Variants in PDE10A observed in about 807,000 individuals in gnomAD.
PDE10A encodes phosphodiesterase 10A.
PDE10A carries 39 observed loss-of-function variants against 97.7 expected under a neutral mutation model. The observed-to-expected ratio is 0.40, with a 90% CI of 0.31 to 0.52. The LOEUF is 0.52. PDE10A is among the 20% of genes least tolerant of loss of function. The pLI is 0.56. For missense variants in PDE10A, 731 were observed against 1,047.8 expected (o/e 0.70, Z 4.17); for synonymous variants, 371 against 376.8 (o/e 0.98, Z 0.18).
chr6:165,808,202 C>T (rs1259288728), intron 1 of PDE10A, among the ~76,000 whole-genome samples: 1 of 152,174 alleles, frequency 6.6e-6, no homozygotes, highest in Non-Finnish European at 1.5e-5. Flanking sequence ...TCACCCTGGA[C>T]AATTTGCTGA....
chr6:165,914,432 A>G (rs1383021836), intron 1 of PDE10A, among the ~76,000 whole-genome samples: 1 of 152,210 alleles, frequency 6.6e-6, no homozygotes, highest in Non-Finnish European at 1.5e-5. Flanking sequence ...TCCTTTTCAC[A>G]AGGTTTATGG....
intron 1 of PDE10A, among the ~76,000 whole-genome samples, chr6:165,765,518 G>A: frequency 6.6e-6 from 1 of 152,260 alleles, no homozygotes; most frequent in Admixed American, 6.5e-5. Context: ...CTCCGCAGCC[G>A]CTGGCCCGGG....
chr6:165,457,874 T>C (rs1017530485), intron 3 of PDE10A, among the ~76,000 whole-genome samples: 4 of 152,202 alleles, frequency 2.6e-5, no homozygotes, highest in African/African-American at 9.7e-5. Context: ...AAACATGCAT[T>C]AGACAGCTAC....
intron 1 of PDE10A, among the ~76,000 whole-genome samples, chr6:165,849,294 TA>T (rs1415642834): frequency 1.5e-4 from 23 of 152,208 alleles, no homozygotes; most frequent in African/African-American, 5.5e-4. Context: ...TATGAGGCCC[TA>T]AGTCTATGAA....
intron 1 of PDE10A, among the ~76,000 whole-genome samples, chr6:165,673,988 TA>T (rs60693441): frequency 6.6e-6 from 1 of 151,852 alleles, no homozygotes; most frequent in Non-Finnish European, 1.5e-5. Context: ...TAAAATTTTT[TA>T]AAGTGTTTCC....
chr6:165,547,404 G>A (rs1039913350), intron 1 of PDE10A, among the ~76,000 whole-genome samples: 16 of 152,128 alleles, frequency 1.1e-4, no homozygotes, highest in African/African-American at 3.1e-4. Flanking sequence ...ATTAATTTTC[G>A]CAGTGCAATC....
chr6:165,942,413 A>T (rs1266339760), intron 1 of PDE10A, among the ~76,000 whole-genome samples: 1 of 152,004 alleles, frequency 6.6e-6, no homozygotes, highest in African/African-American at 2.4e-5. Flanking sequence ...GTTACTAAGG[A>T]TGTTAATAAT....
At chr6:165,374,131 A>C (rs1784451864) in intron 18 of PDE10A, among the ~76,000 whole-genome samples, 1 of 149,662 alleles carries the variant, frequency 6.7e-6, no homozygotes, top group South Asian at 2.2e-4. Context: ...CCTAATGCTA[A>C]ATGACGAATT....
At chr6:165,833,624 G>T (rs1316959514) in intron 1 of PDE10A, among the ~76,000 whole-genome samples, 5 of 152,254 alleles carry the variant, frequency 3.3e-5, no homozygotes, top group African/African-American at 1.2e-4. Flanking sequence ...CATGAGGGGG[G>T]CCCAAGTTCC....
chr6:165,801,154 T>C (rs1198499698), intron 1 of PDE10A, among the ~76,000 whole-genome samples: 1 of 152,246 alleles, frequency 6.6e-6, no homozygotes, highest in African/African-American at 2.4e-5. Context: ...GTGTCCATAA[T>C]AGAGACCCAT....
At chr6:165,428,600 A>G in intron 10 of PDE10A, 58 bp downstream of exon 10, 2 of 732,106 alleles carry the variant, frequency 2.7e-6, no homozygotes, top group East Asian at 2.7e-5. Flanking sequence ...TATGCCATAT[A>G]TTAGCACCAT....
intron 1 of PDE10A, among the ~76,000 whole-genome samples, chr6:165,670,707 A>G (rs1318247610): frequency 6.6e-6 from 1 of 152,232 alleles, no homozygotes; most frequent in Non-Finnish European, 1.5e-5. Flanking sequence ...AACTAGAAGA[A>G]GTGGCATTGT....
intron 1 of PDE10A, among the ~76,000 whole-genome samples, chr6:165,563,374 G>A (rs9459451): frequency 0.075 from 11,339 of 152,022 alleles, 676 homozygotes; most frequent in African/African-American, 0.16. Context: ...CCAATTATAC[G>A]GAAACCACAG....
intron 1 of PDE10A, among the ~76,000 whole-genome samples, chr6:165,629,425 C>G (rs900976716): frequency 1.3e-5 from 2 of 151,664 alleles, no homozygotes; most frequent in African/African-American, 4.9e-5. Context: ...GAAAAGAAGC[C>G]GTTTGAATGA....
intron 1 of PDE10A, among the ~76,000 whole-genome samples, chr6:165,850,502 A>G (rs1780546178): frequency 6.6e-6 from 1 of 152,200 alleles, no homozygotes; most frequent in Admixed American, 6.5e-5. Context: ...GTAAAACCAT[A>G]TAAAGGTAAA....
chr6:165,965,767 C>T (rs1004928118), intron 1 of PDE10A, among the ~76,000 whole-genome samples: 1 of 152,200 alleles, frequency 6.6e-6, no homozygotes, highest in African/African-American at 2.4e-5. Flanking sequence ...CATGTGCTGA[C>T]TTTTCAATAC....
intron 18 of PDE10A, among the ~76,000 whole-genome samples, chr6:165,351,063 TA>T (rs1165383162): frequency 1.3e-5 from 2 of 152,094 alleles, no homozygotes; most frequent in African/African-American, 4.8e-5. Context: ...TTATAAAGTT[TA>T]AAAAAAATTA....
chr6:165,412,040 T>A (rs891926673), intron 13 of PDE10A, among the ~76,000 whole-genome samples: 28 of 152,124 alleles, frequency 1.8e-4, no homozygotes, highest in African/African-American at 5.8e-4. Context: ...ATTTTTTTTT[T>A]ATTTTTTGAC....
chr6:165,769,022 A>G (rs927113734), intron 1 of PDE10A, among the ~76,000 whole-genome samples: 12 of 152,226 alleles, frequency 7.9e-5, no homozygotes, highest in African/African-American at 2.7e-4. Flanking sequence ...GAGAACATAC[A>G]TGAAACTGCA....
Sources: allele counts gnomAD v4.1 joint callset (sites outside exome capture counted in the v4.1 genomes callset), GRCh38; gene constraint gnomAD v4.1.1; transcripts MANE v1.5; gene names NCBI Gene and HGNC (gene_info 2026-07-23, HGNC 2026-07-21).